The following XKR4 variants were observed in gnomAD, a reference collection of about 807,000 sequenced individuals.
XKR4 encodes XK related 4, also known as XK-related protein 4.
XKR4 carries 12 observed loss-of-function variants against 53.9 expected under a neutral mutation model. The ratio of observed to expected loss-of-function variants is 0.22; its 90% CI spans 0.14 to 0.36. The LOEUF is 0.36. Among genes scored for constraint, XKR4 ranks in the 10% least tolerant of loss-of-function variants. The probability of loss-of-function intolerance (pLI) is 1.00; values close to 1 mark genes in which losing one functional copy is unlikely to be tolerated. For missense variants in XKR4, 799 were observed against 859.5 expected, an observed-to-expected ratio of 0.93 and a Z score of 0.88; for synonymous variants, 354 against 362.4, an observed-to-expected ratio of 0.98 and a Z score of 0.26.
chr8:55,264,359 G>T (rs146078571), intron 1 of XKR4, among the ~76,000 whole-genome samples: 70 of 152,256 alleles, frequency 4.6e-4, no homozygotes, highest in African/African-American at 1.6e-3. Context: ...CATGAGAACA[G>T]AAATTTTGCC....
chr8:55,414,323 G>T (rs779096572), intron 2 of XKR4, among the ~76,000 whole-genome samples: 1 of 151,990 alleles, frequency 6.6e-6, no homozygotes, highest in South Asian at 2.1e-4. Flanking sequence ...CTTGCAAGGC[G>T]CATTCCTGGA....
rs200242816 is a variant in XKR4 at position 55,246,653 on chromosome 8, TGA to T, written c.807-111021_807-111020del. Among the ~76,000 whole-genome samples, 1,234 of 152,246 alleles carry T rather than the reference TGA, an allele frequency of 8.1e-3. 22 individuals carry two copies. The highest frequency in any genetic ancestry group is 0.026 in the African/African-American group (1,081 of 41,538). Reference sequence around the variant, plus strand: ...TAAAGCAGATTTCTCCAAAAACTATTGAGAGTCATGGGTATTCTGTAAGGTTT... The same window carrying T: ...TAAAGCAGATTTCTCCAAAAACTATTGAGTCATGGGTATTCTGTAAGGTTT... On this transcript the variant is annotated intron_variant, in intron 1 of 2. Coordinates refer to ENST00000327381, the MANE Select transcript of XKR4 (RefSeq NM_052898.2).
chr8:55,449,687 T>TCCA (rs1805400483), intron 2 of XKR4: 1 of 883,924 alleles, frequency 1.1e-6, no homozygotes, highest in African/African-American at 1.6e-5. Context: ...CACCTCCACC[T>TCCA]CCACCAGGTC....
intron 1 of XKR4, among the ~76,000 whole-genome samples, chr8:55,208,175 C>T (rs1817676889): frequency 6.6e-6 from 1 of 152,142 alleles, no homozygotes; most frequent in Admixed American, 6.5e-5. Context: ...TGTATGTGGT[C>T]AGAGCACCTA....
At position 55,103,524 on chromosome 8, in the gene XKR4, A is replaced by G. The variant is rs866192567; in HGVS notation, c.806+230A>G. Among the ~76,000 whole-genome samples, 198 of 151,830 alleles carry G rather than the reference A, an allele frequency of 1.3e-3. 1 individual carries two copies. Among genetic ancestry groups the G allele is most frequent in the African/African-American group, 4.7e-3 (193 of 41,400 alleles). On this transcript the variant is annotated intron_variant, in intron 1 of 2. Transcript: ENST00000327381. ...GAAGGACAGCAAAGTGGTTTCGATC[A>G]CCTCATCCCTTCTGTCTTCCCACTC...
intron 1 of XKR4, among the ~76,000 whole-genome samples, chr8:55,266,758 TCCTCACC>T (rs1818607470): frequency 6.6e-6 from 1 of 152,158 alleles, no homozygotes; most frequent in African/African-American, 2.4e-5. Flanking sequence ...AGCCCTCTAT[TCCTCACC>T]CTGAGTGTCC....
Position 55,102,654 on chromosome 8 carries a change from C to T in XKR4, c.166C>T (p.Pro56Ser). 6 of 1,293,690 alleles carry T rather than the reference C, an allele frequency of 4.6e-6. No homozygotes were observed. The highest frequency in any genetic ancestry group is 5.9e-6 in the Non-Finnish European group (6 of 1,010,492). The allele number at this position is 1,293,690 out of a possible 1,614,324, so 80.1% of individuals were successfully genotyped here. ...GGAGGCGGCCGGGGGCGGCTGCTGC[C>T]CGGACGGCGGCGGCTGCTCGCGCTG... ...DEEAAGGGCC[P>S]DGGGCSRCCC... The change falls in exon 1 of 3, where the codon CCG becomes TCG. Residue 56 changes from proline (P) to serine (S), a missense_variant. Coordinates refer to ENST00000327381, the MANE Select transcript of XKR4 (RefSeq NM_052898.2). The surrounding 1 kb of genome is among the most constrained non-coding windows in gnomAD (Gnocchi z 5.1).
At chr8:55,417,718 TATC>T (rs1242477304) in intron 2 of XKR4, among the ~76,000 whole-genome samples, 1 of 152,216 alleles carries the variant, frequency 6.6e-6, no homozygotes, top group East Asian at 1.9e-4. Flanking sequence ...TGTTCAGAGG[TATC>T]ATCATTATCT....
intron 1 of XKR4, among the ~76,000 whole-genome samples, chr8:55,303,504 G>A (rs1051865875): frequency 2.0e-5 from 3 of 152,096 alleles, no homozygotes; most frequent in Admixed American, 2.0e-4. Flanking sequence ...GGATGATGCT[G>A]GCCTCATAAA....
chr8:55,167,678 T>A (rs977380627), intron 1 of XKR4, among the ~76,000 whole-genome samples: 1 of 152,154 alleles, frequency 6.6e-6, no homozygotes, highest in African/African-American at 2.4e-5. Context: ...CACTAACTAG[T>A]ACAGTGTCCA....
At chr8:55,368,599 C>T (rs1028429808) in intron 2 of XKR4, among the ~76,000 whole-genome samples, 1 of 152,192 alleles carries the variant, frequency 6.6e-6, no homozygotes, top group Non-Finnish European at 1.5e-5. Flanking sequence ...CCCACAGACG[C>T]CCCCATCTAC....
rs760266028 is a variant in XKR4 at position 55,523,373 on chromosome 8, A to G, written c.1099A>G (p.Ile367Val). The G allele has an allele frequency of 1.2e-6, 2 of 1,614,228 alleles. No homozygotes were observed. Among genetic ancestry groups the G allele is most frequent in the South Asian group, 2.2e-5 (2 of 91,082 alleles). ...GGACTCTCGAGATGACAAGAAGCCC[A>G]TCAGCTACATGGCCGTCATCATCCA... ...LRDSRDDKKPISYMAVIIQFC... is the reference protein window; with the variant it reads ...LRDSRDDKKPVSYMAVIIQFC... Residue 367 changes from isoleucine (I) to valine (V), a missense_variant, in exon 3 of 3, where the codon ATC (isoleucine) becomes GTC (valine). Physicochemically the swap from Ile to Val is conservative, Grantham distance 29. Around this residue, in one of 3 missense-constraint regions of XKR4, gnomAD observed 476 missense variants for 505.4 expected, o/e 0.94. Transcript: ENST00000327381.
chr8:55,498,294 C>T (rs1806387169), intron 2 of XKR4, among the ~76,000 whole-genome samples: 1 of 152,192 alleles, frequency 6.6e-6, no homozygotes, highest in Admixed American at 6.5e-5. Context: ...CCCATGGTCG[C>T]CTTCCGTCCC....
intron 2 of XKR4, among the ~76,000 whole-genome samples, chr8:55,448,653 G>GT (rs1341538898): frequency 6.6e-6 from 1 of 152,044 alleles, no homozygotes; most frequent in African/African-American, 2.4e-5. Flanking sequence ...TGGTTTTCTG[G>GT]TTTCCTGCCC....
chr8:55,436,572 T>C (rs1286411295), intron 2 of XKR4, among the ~76,000 whole-genome samples: 5 of 152,184 alleles, frequency 3.3e-5, no homozygotes, highest in Non-Finnish European at 7.3e-5. Context: ...GCCATGCTTT[T>C]TCTTATAACT....
At chr8:55,379,003 G>C (rs1223837612) in intron 2 of XKR4, among the ~76,000 whole-genome samples, 1 of 152,172 alleles carries the variant, frequency 6.6e-6, no homozygotes, top group Admixed American at 6.5e-5. Context: ...ATCCATAACA[G>C]CTTACTAGCT....
At chr8:55,128,450 T>A (rs1452267867) in intron 1 of XKR4, among the ~76,000 whole-genome samples, 2 of 152,184 alleles carry the variant, frequency 1.3e-5, no homozygotes, top group African/African-American at 2.4e-5. Flanking sequence ...TGGCCTTGAC[T>A]TGGCTTCAGC....
intron 1 of XKR4, among the ~76,000 whole-genome samples, chr8:55,329,111 C>G (rs576289551): frequency 3.9e-5 from 6 of 152,232 alleles, no homozygotes; most frequent in African/African-American, 1.4e-4. Context: ...GTTGTGTTTT[C>G]TTTTCAACCG....
intron 2 of XKR4, among the ~76,000 whole-genome samples, chr8:55,518,027 G>A (rs1746232182): frequency 6.6e-6 from 1 of 152,196 alleles, no homozygotes; most frequent in Admixed American, 6.5e-5. Context: ...ACAGGGGAAG[G>A]TTATGGCCTC....
Sources: allele counts gnomAD v4.1 joint callset (sites outside exome capture counted in the v4.1 genomes callset), GRCh38; gene constraint gnomAD v4.1.1; regional missense constraint gnomAD v4.1.1; non-coding constraint Gnocchi (gnomAD v3.1); transcripts MANE v1.5; gene names NCBI Gene and HGNC (gene_info 2026-07-23, HGNC 2026-07-21).